The following GSK3B variants were observed in gnomAD, a reference collection of about 807,000 sequenced individuals.
GSK3B encodes the protein glycogen synthase kinase 3 beta, also known as glycogen synthase kinase-3 beta.
A neutral mutation model predicts 56.4 loss-of-function variants in GSK3B; 15 were observed. The observed-to-expected ratio is 0.27, with a 90% CI of 0.18 to 0.41. The LOEUF is 0.41. Ranked by LOEUF, GSK3B falls within the 10% of genes least tolerant of loss-of-function variation. The pLI is 1.00. For synonymous variants in GSK3B, 181 were observed against 188.9 expected (o/e 0.96, Z 0.34); for missense variants, 300 against 513.4 (o/e 0.58, Z 4.02).
At chr3:120,029,633 G>C in intron 1 of GSK3B, 1 of 554,278 alleles carries the variant, frequency 1.8e-6, no homozygotes, top group Non-Finnish European at 3.5e-6. Context: ...TTTCCCTTCA[G>C]ATGTTCACAT....
chr3:119,859,269 G>C (rs890917895), intron 9 of GSK3B, among the ~76,000 whole-genome samples: 8 of 151,792 alleles, frequency 5.3e-5, no homozygotes, highest in African/African-American at 1.9e-4. Context: ...ATTAATCTCA[G>C]GTAGTTGTAA....
At chr3:119,881,521 C>A (rs561184136) in intron 7 of GSK3B, among the ~76,000 whole-genome samples, 10 of 152,220 alleles carry the variant, frequency 6.6e-5, no homozygotes, top group Admixed American at 5.2e-4. Flanking sequence ...TTCAGAAATG[C>A]CCACTCTTGA....
intron 10 of GSK3B, among the ~76,000 whole-genome samples, chr3:119,827,890 C>T (rs149656163): frequency 6.1e-4 from 93 of 151,704 alleles, no homozygotes; most frequent in African/African-American, 2.1e-3. Context: ...ATGTATAAGA[C>T]CTAGTATTTG....
chr3:120,044,867 C>T (rs775081258), intron 1 of GSK3B, among the ~76,000 whole-genome samples: 1 of 152,326 alleles, frequency 6.6e-6, no homozygotes. Context: ...CCAAACAATA[C>T]TGCCCCCAAT....
rs551920550 is a variant in GSK3B at position 119,842,408 on chromosome 3, T to TA, written c.1195+846dup. Among the ~76,000 whole-genome samples the TA allele has an allele frequency of 1.8e-3, 279 of 152,202 alleles. 1 individual carries two copies. The highest frequency in any genetic ancestry group is 0.01 in the Middle Eastern group (3 of 294). ...TGCAGTTTTAGCCCTTTCAAATGAT[T>TA]AAAAAAATGATTAAATATAAGTATA... On this transcript the variant is annotated intron_variant, in intron 10 of 10. Transcript: ENST00000264235.
At chr3:119,963,206 T>C (rs375311371) in intron 2 of GSK3B, among the ~76,000 whole-genome samples, 8 of 152,116 alleles carry the variant, frequency 5.3e-5, no homozygotes, top group Middle Eastern at 3.2e-3. Flanking sequence ...CAGATACAAA[T>C]AGATGGAAAA....
intron 1 of GSK3B, among the ~76,000 whole-genome samples, chr3:120,076,855 A>G (rs1415179947): frequency 2.0e-5 from 3 of 150,570 alleles, no homozygotes; most frequent in African/African-American, 7.3e-5. Flanking sequence ...AAAGGAGGTG[A>G]ATAGACATTT....
At chr3:119,986,081 G>T (rs533453394) in intron 2 of GSK3B, among the ~76,000 whole-genome samples, 2 of 152,092 alleles carry the variant, frequency 1.3e-5, no homozygotes, top group Non-Finnish European at 2.9e-5. Context: ...ACAAGAAATG[G>T]GGAAAGGATT....
intron 7 of GSK3B, among the ~76,000 whole-genome samples, chr3:119,877,485 T>C (rs572592105): frequency 2.6e-5 from 4 of 152,326 alleles, no homozygotes; most frequent in African/African-American, 9.6e-5. Context: ...TATTTTTAAA[T>C]TGTTATTTTC....
At chr3:119,930,080 T>TACACACACACACACACACAC (rs71619762) in intron 3 of GSK3B, among the ~76,000 whole-genome samples, 5 of 133,564 alleles carry the variant, frequency 3.7e-5, no homozygotes, top group East Asian at 2.2e-4. Flanking sequence ...TTCTGTCTCC[T>TACACACACACACACACACAC]ACACACACAC....
intron 10 of GSK3B, among the ~76,000 whole-genome samples, chr3:119,837,119 G>A (rs928179502): frequency 1.3e-5 from 2 of 152,092 alleles, no homozygotes; most frequent in South Asian, 2.1e-4. Context: ...CTGGAAGAAG[G>A]CATACAGAAA....
At chr3:119,903,951 A>G (rs2056653430) in intron 7 of GSK3B, among the ~76,000 whole-genome samples, 1 of 152,206 alleles carries the variant, frequency 6.6e-6, no homozygotes, top group Non-Finnish European at 1.5e-5. Context: ...TGTGAAGCCC[A>G]TAAGCTAAGA....
At chr3:119,964,600 G>T (rs1034202615) in intron 2 of GSK3B, among the ~76,000 whole-genome samples, 2 of 152,134 alleles carry the variant, frequency 1.3e-5, no homozygotes, top group Non-Finnish European at 2.9e-5. Flanking sequence ...TAGGAGACAG[G>T]GGAGGAAGAT....
chr3:119,998,097 C>T (rs61566983), intron 2 of GSK3B, among the ~76,000 whole-genome samples: 3,938 of 152,280 alleles, frequency 0.026, 173 homozygotes, highest in African/African-American at 0.089. Context: ...AAAGTCAACA[C>T]AAACTGAAAT....
At chr3:119,934,941 T>A (rs1027726715) in intron 3 of GSK3B, among the ~76,000 whole-genome samples, 9 of 152,286 alleles carry the variant, frequency 5.9e-5, no homozygotes, top group African/African-American at 2.2e-4. Flanking sequence ...ATAGTATGCA[T>A]GTAATAACAT....
intron 1 of GSK3B, among the ~76,000 whole-genome samples, chr3:120,002,809 A>G (rs1028922957): frequency 6.6e-6 from 1 of 152,206 alleles, no homozygotes; most frequent in South Asian, 2.1e-4. Context: ...CTGTTCCCAT[A>G]TTATAGGTAA....
chr3:120,071,187 G>A (rs2058323594), intron 1 of GSK3B, among the ~76,000 whole-genome samples: 1 of 152,132 alleles, frequency 6.6e-6, no homozygotes, highest in South Asian at 2.1e-4. Flanking sequence ...ACTGGCCAAA[G>A]GACTTTCACA....
At chr3:119,992,763 C>CA (rs2057577201) in intron 2 of GSK3B, among the ~76,000 whole-genome samples, 3 of 151,206 alleles carry the variant, frequency 2.0e-5, no homozygotes, top group African/African-American at 7.3e-5. Flanking sequence ...TAAAATGGAC[C>CA]AAAAAAAGGA....
intron 2 of GSK3B, among the ~76,000 whole-genome samples, chr3:119,958,028 AC>A (rs2057231218): frequency 6.6e-6 from 1 of 151,410 alleles, no homozygotes; most frequent in Admixed American, 6.6e-5. Flanking sequence ...GAGGACCTAT[AC>A]CCCCCCAAGT....
Sources: allele counts gnomAD v4.1 joint callset (sites outside exome capture counted in the v4.1 genomes callset), GRCh38; gene constraint gnomAD v4.1.1; transcripts MANE v1.5; gene names NCBI Gene and HGNC (gene_info 2026-07-23, HGNC 2026-07-21).